PPFIA3: variants seen among roughly 807,000 people sequenced by gnomAD.
PPFIA3 encodes the protein liprin-alpha-3.
In PPFIA3, 26 loss-of-function variants were observed where a neutral mutation model predicts 145.8. The ratio of observed to expected loss-of-function variants is 0.18; its 90% CI spans 0.13 to 0.25. PPFIA3 has a LOEUF of 0.25. Ranked by LOEUF, PPFIA3 falls within the 10% of genes least tolerant of loss-of-function variation. The pLI is 1.00. For synonymous variants in PPFIA3, 645 were observed against 661.4 expected (o/e 0.98, Z 0.38); for missense variants, 1,008 against 1,587.8 (o/e 0.63, Z 6.21).
In PPFIA3 at chr19:49,120,857, C is replaced by G. The variant is rs563537141; in HGVS notation, c.-16+1135C>G. On this transcript the variant is annotated intron_variant, in intron 1 of 29. Transcript: ENST00000334186. The surrounding 1 kb of genome is among the most constrained non-coding windows in gnomAD (Gnocchi z 4.6). ...TACTGAGGCTGTCTGCCTCAACCCT[C>G]TCTCCAAACAAGACCTCAGGCTCTC... Among the ~76,000 whole-genome samples, 4 of 152,316 alleles carry G rather than the reference C, an allele frequency of 2.6e-5. No individual in the cohort carries two copies. The highest frequency in any genetic ancestry group is 6.5e-5 in the Admixed American group (1 of 15,306).
Position 49,139,788 on chromosome 19 carries a change from C to T in PPFIA3, c.2197C>T (p.Leu733=), listed in dbSNP as rs777896674. Residue 733 remains leucine, a synonymous_variant, in exon 17 of 30, where the codon CTG becomes TTG. Transcript: ENST00000334186. ...TGAGAGAATGACCCAGGCCTTGGCA[C>T]TGCAGGCGGGGTCCCTGGAAGATGG... The part of the protein sequence containing the change: ...RLERMTQALA[L]QAGSLEDGGP... 2.5e-6 allele frequency: 4 copies of T among 1,613,138 alleles called. No individual in the cohort carries two copies. The highest frequency in any genetic ancestry group is 3.4e-6 in the Non-Finnish European group (4 of 1,179,332).
intron 23 of PPFIA3, 78 bp from the exon 24 acceptor site, chr19:49,148,005 G>A (rs2041300292): frequency 6.9e-7 from 1 of 1,444,772 alleles, no homozygotes; most frequent in Non-Finnish European, 9.4e-7. Context: ...GGATTGGGAG[G>A]TTGGACTGTA....
In PPFIA3 at chr19:49,133,843, G is replaced by A. The variant is rs755947449; in HGVS notation, c.1209G>A (p.Glu403=). The A allele has an allele frequency of 6.2e-7, 1 of 1,613,270 alleles. No individual in the cohort carries two copies. The highest frequency in any genetic ancestry group is 8.5e-7 in the Non-Finnish European group (1 of 1,180,004). ...GNFEERLRQL[E]AQLEEKNQEL... ...TTGAGGAGCGGCTTCGGCAGCTGGA[G>A]GCCCAGCTGGAAGAGAAGAATCAAG... The change falls in exon 10 of 30, where the codon GAG becomes GAA. Residue 403 remains glutamate, a synonymous_variant. Transcript: ENST00000334186. This position sits in a 1 kb window ranked among gnomAD's most constrained non-coding sequence, Gnocchi z 7.2.
Position 49,141,945 on chromosome 19 carries a change from G to GTC in PPFIA3, c.2463-88_2463-87insCT, listed in dbSNP as rs569445907. The GTC allele has an allele frequency of 1.2e-4, 109 of 911,714 alleles. No homozygotes were observed. The African/African-American group carries it at 1.7e-3, about 14-fold the overall frequency. The allele number at this position is 911,714 out of a possible 1,614,324, so 56.5% of individuals were successfully genotyped here. On this transcript the variant is annotated intron_variant, in intron 19 of 29. Transcript: ENST00000334186. The stretch of plus-strand genomic sequence containing the variant: ...TGCGTGTGCGTATGTGCATGTGTGT[G>GTC]TGTGTGTATGTGTGCTGATGGGGGC...
chr19:49,136,063 C>A, intron 14 of PPFIA3, 140 bp downstream of exon 14: 1 of 1,032,788 alleles, frequency 9.7e-7, no homozygotes, highest in Non-Finnish European at 1.3e-6. Context: ...ACCCTTTCTT[C>A]TCTCCTTCCC....
At chr19:49,138,552 C>G (rs1165753432) in intron 16 of PPFIA3, 125 bp downstream of exon 16, 3 of 793,848 alleles carry the variant, frequency 3.8e-6, no homozygotes, top group Non-Finnish European at 5.3e-6. Flanking sequence ...TCAGCTTTCC[C>G]TAAAGGTTCA....
Position 49,130,166 on chromosome 19 carries a change from G to C in PPFIA3, c.657+99G>C. 2 of 1,314,774 alleles carry C rather than the reference G, an allele frequency of 1.5e-6. No homozygotes were observed. The highest frequency in any genetic ancestry group is 2.8e-5 in the South Asian group (2 of 71,316). 81.4% of individuals were successfully genotyped at this position (1,314,774 alleles called of 1,614,324 possible). ...GTATCATCCTCACTGGCCCTAAGAC[G>C]GCTGCACCTGTAAGAGTGTCACAGA... is the stretch of plus-strand genomic sequence containing the variant. On this transcript the variant is annotated intron_variant, in intron 6 of 29. Coordinates refer to ENST00000334186, the MANE Select transcript of PPFIA3 (RefSeq NM_003660.4). The surrounding 1 kb of genome is among the most constrained non-coding windows in gnomAD (Gnocchi z 4.5).
intron 25 of PPFIA3, 81 bp downstream of exon 25, chr19:49,148,844 C>A: frequency 1.3e-6 from 2 of 1,533,400 alleles, no homozygotes; most frequent in South Asian, 1.1e-5. Context: ...TAGGGGGAGA[C>A]CGGAGAAGCA....
intron 15 of PPFIA3, among the ~76,000 whole-genome samples, chr19:49,137,840 C>G (rs1385004383): frequency 6.6e-6 from 1 of 152,004 alleles, no homozygotes; most frequent in African/African-American, 2.4e-5. Context: ...GGCCTGAGTC[C>G]CTGATCTCAC....
chr19:49,133,769 T>G lies in PPFIA3; in HGVS notation c.1162-27T>G. The G allele has an allele frequency of 6.2e-7, 1 of 1,610,256 alleles. No homozygotes were observed. Among genetic ancestry groups the G allele is most frequent in the Non-Finnish European group, 8.5e-7 (1 of 1,178,250 alleles). On this transcript the variant is annotated intron_variant, in intron 9 of 29. Transcript: ENST00000334186. This position sits in a 1 kb window ranked among gnomAD's most constrained non-coding sequence, Gnocchi z 7.2. ...GCCTGACTGATCCTGGAAGGGTAAG[T>G]CACACGCCATGGGTTCCATCTCCTA...
At chr19:49,121,133 G>C (rs1202966218) in intron 1 of PPFIA3, among the ~76,000 whole-genome samples, 1 of 152,124 alleles carries the variant, frequency 6.6e-6, no homozygotes, top group African/African-American at 2.4e-5. Context: ...GATGCAGCTT[G>C]TTGAGATGTT....
intron 1 of PPFIA3, among the ~76,000 whole-genome samples, chr19:49,123,057 C>G (rs1049828193): frequency 6.8e-6 from 1 of 147,800 alleles, no homozygotes; most frequent in East Asian, 2.0e-4. Flanking sequence ...GAGACGGAGT[C>G]TCACTCTGTC....
chr19:49,146,922 T>C (rs2041287438), intron 23 of PPFIA3, among the ~76,000 whole-genome samples: 1 of 151,746 alleles, frequency 6.6e-6, no homozygotes, highest in Non-Finnish European at 1.5e-5. Context: ...AGAGCCAGAT[T>C]CCATCTCATA....
In PPFIA3 at chr19:49,130,665, A is replaced by G; in HGVS notation, c.879+66A>G. On this transcript the variant is annotated intron_variant, in intron 7 of 29. Coordinates refer to ENST00000334186, the MANE Select transcript of PPFIA3 (RefSeq NM_003660.4). This position sits in a 1 kb window ranked among gnomAD's most constrained non-coding sequence, Gnocchi z 4.5. Reference sequence around the variant, plus strand: ...CTTTCCGTAGAGCTCTCCCTCGCGCATTGCTCATGAATGGCGGAACCTCGA... The same window carrying G: ...CTTTCCGTAGAGCTCTCCCTCGCGCGTTGCTCATGAATGGCGGAACCTCGA... 7.3e-7 allele frequency: 1 copy of G among 1,377,998 alleles called. No homozygotes were observed. Among genetic ancestry groups the G allele is most frequent in the Non-Finnish European group, 9.9e-7 (1 of 1,012,446 alleles). 85.4% of individuals were successfully genotyped at this position (1,377,998 alleles called of 1,614,324 possible). A position where few individuals can be genotyped will look rare whatever the true frequency, so the allele number is the denominator to read the frequency against.
intron 21 of PPFIA3, among the ~76,000 whole-genome samples, chr19:49,144,394 T>G (rs1467245618): frequency 6.6e-6 from 1 of 152,158 alleles, no homozygotes; most frequent in African/African-American, 2.4e-5. Context: ...AGGTGGGGGA[T>G]TTTCCTCTTG....
chr19:49,127,888 G>A lies in PPFIA3; in HGVS notation c.15G>A (p.Val5=). Residue 5 remains valine (V), a synonymous_variant, in exon 2 of 30, where the codon GTG becomes GTA. Coordinates refer to ENST00000334186, the MANE Select transcript of PPFIA3 (RefSeq NM_003660.4). ...GCACCGCCGCCATGATGTGCGAGGT[G>A]ATGCCCACCATCAGCGAGGATGGCC... is the stretch of plus-strand genomic sequence containing the variant. The part of the protein sequence containing the change: MMCE[V]MPTISEDGRR... The A allele has an allele frequency of 2.5e-6, 4 of 1,593,328 alleles. No individual in the cohort carries two copies. Among genetic ancestry groups the A allele is most frequent in the Non-Finnish European group, 2.5e-6 (3 of 1,177,878 alleles).
chr19:49,125,238 C>G (rs1446110647), intron 1 of PPFIA3: 3 of 152,464 alleles, frequency 2.0e-5, no homozygotes, highest in African/African-American at 4.8e-5. Context: ...TCTCCCAGGG[C>G]CCACGGCCCT....
chr19:49,146,120 C>A (rs553657440), intron 22 of PPFIA3, 46 bp from the exon 23 acceptor site: 1 of 1,612,498 alleles, frequency 6.2e-7, no homozygotes, highest in East Asian at 2.2e-5. Context: ...CCTCTGCCTG[C>A]CCCTTAACTC....
chr19:49,143,266 C>T (rs754639258), intron 21 of PPFIA3, among the ~76,000 whole-genome samples: 1 of 152,264 alleles, frequency 6.6e-6, no homozygotes, highest in Non-Finnish European at 1.5e-5. Context: ...GTCACCACCT[C>T]TAAGAAGCTT....
Sources: allele counts gnomAD v4.1 joint callset (sites outside exome capture counted in the v4.1 genomes callset), GRCh38; gene constraint gnomAD v4.1.1; non-coding constraint Gnocchi (gnomAD v3.1); transcripts MANE v1.5; gene names NCBI Gene and HGNC (gene_info 2026-07-23, HGNC 2026-07-21).